The following FREM1 variants were observed in gnomAD, a reference collection of about 807,000 sequenced individuals.
FREM1 encodes the protein FRAS1-related extracellular matrix protein 1.
Under a neutral mutation model 210.1 loss-of-function variants are expected in FREM1, and 220 were observed. The ratio of observed to expected loss-of-function variants is 1.05; its 90% CI spans 0.94 to 1.17. FREM1 has a LOEUF of 1.17. FREM1 is among the 50% of genes most tolerant of loss of function. FREM1 has a pLI of 0.00. For synonymous variants in FREM1, 1,189 were observed against 980.2 expected, an observed-to-expected ratio of 1.21 and a Z score of -3.98; for missense variants, 3,454 against 2,675.5, an observed-to-expected ratio of 1.29 and a Z score of -6.42.
intron 1 of FREM1, among the ~76,000 whole-genome samples, chr9:14,905,648 G>A (rs1328978345): frequency 6.6e-6 from 1 of 152,182 alleles, no homozygotes; most frequent in East Asian, 1.9e-4. Context: ...TAGCACTTTG[G>A]GAGGCCGAGG....
At position 14,807,950 on chromosome 9, in the gene FREM1, G is replaced by A; in HGVS notation, c.3078C>T (p.Ser1026=). ...TVYPVDNQPP[S]IAIGPVFVVD... ...AAAACACATTGTCACCTATTGCAATGGAAGGTGGCTGGTTGTCTACTGGGT... is the reference window on the plus strand; with the variant it reads ...AAAACACATTGTCACCTATTGCAATAGAAGGTGGCTGGTTGTCTACTGGGT... The change falls in exon 17 of 37, where the codon TCC becomes TCT. Residue 1026 remains serine (S), a synonymous_variant. Transcript: ENST00000380880. 6.2e-7 allele frequency: 1 copy of A among 1,611,552 alleles called. No homozygotes were observed. Among genetic ancestry groups the A allele is most frequent in the South Asian group, 1.1e-5 (1 of 90,792 alleles).
rs879455765 is a variant in FREM1, at chr9:14,860,866, T to TATATACGTATATATACAC, written c.330-1383_330-1382insGTGTATATATACGTATAT. Among the ~76,000 whole-genome samples the TATATACGTATATATACAC allele has an allele frequency of 1.3e-3, 58 of 46,164 alleles. 5 individuals are homozygous for TATATACGTATATATACAC. Among genetic ancestry groups the TATATACGTATATATACAC allele is most frequent in the African/African-American group, 0.011 (55 of 4,824 alleles). The allele number at this position is 46,164 out of a possible 152,430, so 30.3% of individuals were successfully genotyped here. On this transcript the variant is annotated intron_variant, in intron 3 of 36. Transcript: ENST00000380880. Reference sequence around the variant, plus strand: ...ATACATATATACGTATATATACACATATATATACGTATATATACACATATA... The same window carrying TATATACGTATATATACAC: ...ATACATATATACGTATATATACACATATATACGTATATATACACATATATACGTATATATACACATATA...
intron 10 of FREM1, among the ~76,000 whole-genome samples, chr9:14,840,389 A>C (rs1825465567): frequency 6.6e-6 from 1 of 152,214 alleles, no homozygotes; most frequent in Admixed American, 6.5e-5. Context: ...CAAAAGAAAG[A>C]GATTTAATGG....
intron 1 of FREM1, among the ~76,000 whole-genome samples, chr9:14,872,511 T>C (rs1832863757): frequency 6.6e-6 from 1 of 152,220 alleles, no homozygotes; most frequent in Non-Finnish European, 1.5e-5. Flanking sequence ...TTTTTGTATA[T>C]TGATTTTGTA....
chr9:14,811,219 G>T (rs1449286520), intron 16 of FREM1, among the ~76,000 whole-genome samples: 1 of 151,600 alleles, frequency 6.6e-6, no homozygotes, highest in South Asian at 2.1e-4. Flanking sequence ...GAAATAATTT[G>T]CCCCAATGTC....
intron 20 of FREM1, among the ~76,000 whole-genome samples, chr9:14,800,955 G>T (rs1204787057): frequency 6.6e-6 from 1 of 152,040 alleles, no homozygotes; most frequent in Non-Finnish European, 1.5e-5. Context: ...GGGGTGTTTT[G>T]ATGCATGTAT....
chr9:14,858,822 A>G (rs920788154), intron 4 of FREM1, among the ~76,000 whole-genome samples: 1 of 152,168 alleles, frequency 6.6e-6, no homozygotes, highest in Non-Finnish European at 1.5e-5. Flanking sequence ...TGCTATTACT[A>G]ATAACAGCTG....
chr9:14,851,106 T>G (rs1426484250), intron 6 of FREM1, among the ~76,000 whole-genome samples, 178 bp downstream of exon 6: 1 of 152,200 alleles, frequency 6.6e-6, no homozygotes, highest in Non-Finnish European at 1.5e-5. Flanking sequence ...CAGTGGGGTT[T>G]GCTCATTGAC....
rs370675981 is a variant in FREM1, at chr9:14,748,508, G to A, written c.5689C>T (p.Leu1897Phe). The A allele has an allele frequency of 2.5e-6, 4 of 1,613,544 alleles. No homozygotes were observed. The African/African-American group carries it at 5.3e-5, about 22-fold the overall frequency. Residue 1897 changes from leucine to phenylalanine, a missense_variant, in exon 31 of 37, where the codon CTT becomes TTT. Transcript: ENST00000380880. Reference sequence around the variant, plus strand: ...ACTGCTAGCTGCATGGAAGATGGAAGAGGTCTTCTTTCCAGATGAAAGGAA... The same window carrying A: ...ACTGCTAGCTGCATGGAAGATGGAAAAGGTCTTCTTTCCAGATGAAAGGAA... ...SGSFHLERRP[L>F]PSSMQLAVIR... is the part of the protein sequence containing the mutation.
intron 23 of FREM1, among the ~76,000 whole-genome samples, chr9:14,784,968 C>A (rs1850183912): frequency 6.6e-6 from 1 of 152,160 alleles, no homozygotes; most frequent in Non-Finnish European, 1.5e-5. Context: ...GAAGACATAG[C>A]TCAAGAGAGT....
Position 14,851,461 on chromosome 9 carries a change from ATCT to A in FREM1, c.972_974del (p.Glu324del), listed in dbSNP as rs781711551. ...ACACCAGCAAGGGTTTAGGGGTCTC[ATCT>A]TCTTCACAGTCCAGAACTGATGTAG... On this transcript the variant is annotated inframe_deletion, in exon 6 of 37. Coordinates refer to ENST00000380880, the MANE Select transcript of FREM1 (RefSeq NM_001379081.2). 20 of 1,610,514 alleles carry A rather than the reference ATCT, an allele frequency of 1.2e-5. No individual in the cohort carries two copies. Among genetic ancestry groups the A allele is most frequent in the Middle Eastern group, 1.6e-4 (1 of 6,078 alleles).
Position 14,784,288 on chromosome 9 carries a change from T to C in FREM1, c.4442+82A>G, listed in dbSNP as rs914823091. Reference sequence around the variant, plus strand: ...TACATGTATTTTGTGAAATGGTTACTATAGTGAAGCACATTAACAGATCTC... The same window carrying C: ...TACATGTATTTTGTGAAATGGTTACCATAGTGAAGCACATTAACAGATCTC... On this transcript the variant is annotated intron_variant, in intron 24 of 36. Coordinates refer to ENST00000380880, the MANE Select transcript of FREM1 (RefSeq NM_001379081.2). 1.1e-5 allele frequency: 14 copies of C among 1,282,054 alleles called. No homozygotes were observed. In the African/African-American group the frequency reaches 2.1e-4, roughly 19 times the overall value. The allele number at this position is 1,282,054 out of a possible 1,614,324, so 79.4% of individuals were successfully genotyped here.
chr9:14,831,279 T>C (rs951348172), intron 10 of FREM1, among the ~76,000 whole-genome samples: 2 of 152,206 alleles, frequency 1.3e-5, no homozygotes, highest in African/African-American at 4.8e-5. Context: ...CGCAGCCTCT[T>C]ACTCTTTCTC....
intron 5 of FREM1, among the ~76,000 whole-genome samples, chr9:14,853,620 C>A (rs1232091478): frequency 6.6e-6 from 1 of 152,152 alleles, no homozygotes; most frequent in Non-Finnish European, 1.5e-5. Flanking sequence ...CCCAAAACCA[C>A]CCCTGCCACC....
chr9:14,873,622 C>T (rs1833142562), intron 1 of FREM1, among the ~76,000 whole-genome samples: 1 of 152,080 alleles, frequency 6.6e-6, no homozygotes, highest in Non-Finnish European at 1.5e-5. Flanking sequence ...AAACCAGATC[C>T]TGGATTCATT....
Position 14,890,020 on chromosome 9 carries a change from T to C in FREM1, c.-268+19894A>G, listed in dbSNP as rs894695978. Reference sequence around the variant, plus strand: ...CTGCCTGTGCAGATTCCCCATTGTGTCCCTCCATTCTTGGAGCTAAGGATA... The same window carrying C: ...CTGCCTGTGCAGATTCCCCATTGTGCCCCTCCATTCTTGGAGCTAAGGATA... On this transcript the variant is annotated intron_variant, in intron 1 of 36. Coordinates refer to ENST00000380880, the MANE Select transcript of FREM1 (RefSeq NM_001379081.2). 3.3e-5 allele frequency among the ~76,000 whole-genome samples: 5 copies of C among 152,182 alleles called. No homozygotes were observed. The South Asian group carries it at 1.0e-3, about 32-fold the overall frequency.
At chr9:14,910,865 G>A (rs1378577078), upstream of FREM1, 1 of 152,130 alleles carries the variant, frequency 6.6e-6, no homozygotes, top group Non-Finnish European at 1.5e-5. Flanking sequence ...GAGAAGCCCA[G>A]CATTCAGAAG....
rs180894374 is a variant in FREM1, at chr9:14,804,858, G to T, written c.3471+98C>A. On this transcript the variant is annotated intron_variant, in intron 19 of 36. Transcript: ENST00000380880. The stretch of plus-strand genomic sequence containing the variant: ...ATAGCCTTCCCCACTCCTCACCAAT[G>T]CAATGTGTTAATGCACTTGGAGCAA... 21 of 811,496 alleles carry T rather than the reference G, an allele frequency of 2.6e-5. No individual in the cohort carries two copies. The Admixed American group carries it at 4.2e-4, about 16-fold the overall frequency. The allele number at this position is 811,496 out of a possible 1,614,324, so 50.3% of individuals were successfully genotyped here.
chr9:14,746,523 G>T, intron 34 of FREM1, 55 bp from the exon 35 acceptor site: 1 of 1,426,514 alleles, frequency 7.0e-7, no homozygotes. Flanking sequence ...TCTGGAGTTG[G>T]TTCAGCATAA....
Sources: allele counts gnomAD v4.1 joint callset (sites outside exome capture counted in the v4.1 genomes callset), GRCh38; gene constraint gnomAD v4.1.1; transcripts MANE v1.5; gene names NCBI Gene and HGNC (gene_info 2026-07-23, HGNC 2026-07-21).